The following GPC5 variants were observed in gnomAD, a reference collection of about 807,000 sequenced individuals.
GPC5 encodes glypican-5.
GPC5 carries 47 observed loss-of-function variants against 53.9 expected under a neutral mutation model. That is an observed-to-expected ratio of 0.87 (90% CI 0.69 to 1.11). The LOEUF (loss-of-function observed/expected upper bound fraction) is 1.11. Among genes scored for constraint, GPC5 ranks in the 50% most tolerant of loss-of-function variants. The pLI, the probability that GPC5 is intolerant of heterozygous loss-of-function variation, is 0.00. For missense variants in GPC5, 748 were observed against 713.1 expected (o/e 1.05, Z -0.56); for synonymous variants, 286 against 263.3 (o/e 1.09, Z -0.84).
intron 5 of GPC5, among the ~76,000 whole-genome samples, chr13:91,844,130 G>A (rs1174878411): frequency 6.6e-6 from 1 of 152,186 alleles, no homozygotes; most frequent in Non-Finnish European, 1.5e-5. Flanking sequence ...GCAAAGTGCA[G>A]TGAGAAAGAA....
chr13:91,477,151 C>A lies in GPC5; in HGVS notation c.325+28229C>A, dbSNP rs140724930. Among the ~76,000 whole-genome samples, 243 of 151,986 alleles carry A rather than the reference C, an allele frequency of 1.6e-3. 1 individual carries two copies. Among genetic ancestry groups the A allele is most frequent in the African/African-American group, 5.7e-3 (235 of 41,446 alleles). On this transcript the variant is annotated intron_variant, in intron 2 of 7. Transcript: ENST00000377067. ...GTTTTAATTTTTATTTTGAATATTT[C>A]TGCAGTTTATATATATATATCTTTT...
chr13:91,717,745 T>TG (rs1230300735), intron 3 of GPC5, among the ~76,000 whole-genome samples: 1 of 151,908 alleles, frequency 6.6e-6, no homozygotes, highest in Non-Finnish European at 1.5e-5. Context: ...TTAGTAGAGA[T>TG]GGGGTTTCAC....
chr13:91,920,369 GAA>G (rs2039699340), intron 6 of GPC5, among the ~76,000 whole-genome samples: 1 of 152,108 alleles, frequency 6.6e-6, no homozygotes, highest in Admixed American at 6.5e-5. Context: ...CACAAAAAGA[GAA>G]AGTAATAGGA....
At position 91,852,896 on chromosome 13, in the gene GPC5, G is replaced by A. The variant is rs78933451; in HGVS notation, c.1281-55041G>A. On this transcript the variant is annotated intron_variant, in intron 5 of 7. Transcript: ENST00000377067. ...GGAGAGCTTCATTTCAGATATTTTC[G>A]TTATGAAATATTTGCTGAGTGCCTA... Among the ~76,000 whole-genome samples, 29 of 152,098 alleles carry A rather than the reference G, an allele frequency of 1.9e-4. No individual in the cohort carries two copies. The East Asian group carries it at 4.5e-3, about 23-fold the overall frequency.
chr13:92,567,012 G>A (rs1882883866), intron 7 of GPC5, among the ~76,000 whole-genome samples: 1 of 151,960 alleles, frequency 6.6e-6, no homozygotes, highest in Admixed American at 6.6e-5. Flanking sequence ...AAACTTTCAG[G>A]GAGTCTTTGA....
At chr13:92,590,773 T>C (rs1883688269) in intron 7 of GPC5, among the ~76,000 whole-genome samples, 1 of 152,250 alleles carries the variant, frequency 6.6e-6, no homozygotes, top group Admixed American at 6.5e-5. Flanking sequence ...TGTTTCCTTG[T>C]TGAGTTTATT....
chr13:91,883,896 C>A (rs2039294669), intron 5 of GPC5, among the ~76,000 whole-genome samples: 1 of 152,082 alleles, frequency 6.6e-6, no homozygotes, highest in South Asian at 2.1e-4. Flanking sequence ...ACATAGTAAA[C>A]CTGTTACCCA....
chr13:92,275,694 T>C (rs2042870505), intron 7 of GPC5, among the ~76,000 whole-genome samples: 1 of 152,134 alleles, frequency 6.6e-6, no homozygotes, highest in Non-Finnish European at 1.5e-5. Flanking sequence ...TAAATATACT[T>C]AATGATCCTT....
chr13:92,560,086 G>A (rs1220967366), intron 7 of GPC5, among the ~76,000 whole-genome samples: 2 of 151,706 alleles, frequency 1.3e-5, no homozygotes, highest in Non-Finnish European at 2.9e-5. Flanking sequence ...TGGCATGAAT[G>A]AAAGACAATT....
chr13:92,526,612 C>A (rs1881291608), intron 7 of GPC5, among the ~76,000 whole-genome samples: 1 of 151,768 alleles, frequency 6.6e-6, no homozygotes, highest in Non-Finnish European at 1.5e-5. Flanking sequence ...ATGCAGATGA[C>A]CTAATCAGAC....
At chr13:92,216,907 AG>A (rs1472956931) in intron 7 of GPC5, among the ~76,000 whole-genome samples, 2 of 147,592 alleles carry the variant, frequency 1.4e-5, no homozygotes, top group Non-Finnish European at 3.0e-5. Flanking sequence ...TGAACCCAGG[AG>A]GTGGAGGTTC....
At chr13:92,452,630 C>T (rs1344033427) in intron 7 of GPC5, among the ~76,000 whole-genome samples, 1 of 152,058 alleles carries the variant, frequency 6.6e-6, no homozygotes, top group African/African-American at 2.4e-5. Context: ...TGCAGTGGCG[C>T]GATCTCAGCT....
At chr13:92,175,091 G>A (rs1046958890) in intron 7 of GPC5, among the ~76,000 whole-genome samples, 12 of 152,194 alleles carry the variant, frequency 7.9e-5, no homozygotes, top group African/African-American at 2.4e-4. Flanking sequence ...GACCTCAGGT[G>A]ATCAACCCGC....
At chr13:92,509,666 G>A (rs1880494902) in intron 7 of GPC5, 1 of 152,062 alleles carries the variant, frequency 6.6e-6, no homozygotes, top group African/African-American at 2.4e-5. Flanking sequence ...CGGCATCCAA[G>A]GAAGACAGAA....
chr13:92,851,887 CAAAAAAAAAAAAA>C (rs71202563), intron 7 of GPC5, among the ~76,000 whole-genome samples: 7 of 59,204 alleles, frequency 1.2e-4, no homozygotes, highest in Non-Finnish European at 2.4e-4. Context: ...GACTCCGTCT[CAAAAAAAAAAAAA>C]AAAAAAAAGA....
intron 2 of GPC5, among the ~76,000 whole-genome samples, 187 bp from the exon 3 acceptor site, chr13:91,693,000 G>A (rs2035789267): frequency 6.6e-6 from 1 of 152,186 alleles, no homozygotes; most frequent in Admixed American, 6.5e-5. Context: ...TAAAACTTGT[G>A]TGTTGTAGGC....
chr13:92,439,662 C>T (rs1390072404), intron 7 of GPC5, among the ~76,000 whole-genome samples: 1 of 151,962 alleles, frequency 6.6e-6, no homozygotes, highest in African/African-American at 2.4e-5. Context: ...AAAATAGGAA[C>T]ATAAAAGAAC....
At chr13:92,514,359 C>T (rs566683810) in intron 7 of GPC5, among the ~76,000 whole-genome samples, 230 of 152,164 alleles carry the variant, frequency 1.5e-3, no homozygotes, top group African/African-American at 5.1e-3. Flanking sequence ...TTCTAGAGAA[C>T]GCTGAATATT....
chr13:92,365,371 G>A (rs967772600), intron 7 of GPC5, among the ~76,000 whole-genome samples: 5 of 151,750 alleles, frequency 3.3e-5, no homozygotes, highest in Non-Finnish European at 7.3e-5. Flanking sequence ...ACCATGAATG[G>A]AGCTTGCAAG....
Sources: allele counts gnomAD v4.1 joint callset (sites outside exome capture counted in the v4.1 genomes callset), GRCh38; gene constraint gnomAD v4.1.1; transcripts MANE v1.5; gene names NCBI Gene and HGNC (gene_info 2026-07-23, HGNC 2026-07-21).